The following GRM3 variants were observed in gnomAD, a reference collection of about 807,000 sequenced individuals.
GRM3 encodes the protein glutamate metabotropic receptor 3.
A neutral mutation model predicts 70.5 loss-of-function variants in GRM3; 26 were observed. The ratio of observed to expected loss-of-function variants is 0.37; its 90% confidence interval spans 0.27 to 0.51. The LOEUF (loss-of-function observed/expected upper bound fraction) is 0.51, where lower values mean the gene tolerates loss of function less well. Ranked by LOEUF, GRM3 falls within the 20% of genes least tolerant of loss-of-function variation. The probability of loss-of-function intolerance (pLI) is 0.93; values close to 1 mark genes in which losing one functional copy is unlikely to be tolerated. For synonymous variants in GRM3, 443 were observed against 434.9 expected (o/e 1.02, Z -0.23); for missense variants, 859 against 1,123.8 (o/e 0.76, Z 3.37).
At chr7:86,651,576 CT>C (rs1251197436) in intron 1 of GRM3, among the ~76,000 whole-genome samples, 1 of 152,112 alleles carries the variant, frequency 6.6e-6, no homozygotes, top group Non-Finnish European at 1.5e-5. Context: ...TTTGGAACAT[CT>C]TGTTTTTCCT....
At chr7:86,673,828 C>T (rs1347198992) in intron 1 of GRM3, among the ~76,000 whole-genome samples, 1 of 152,102 alleles carries the variant, frequency 6.6e-6, no homozygotes, top group Non-Finnish European at 1.5e-5. Context: ...TCAACATTGA[C>T]TCCTTCTTCT....
rs1050095817 is a variant in GRM3 at position 86,829,504 on chromosome 7, G to T, written c.1325-9335G>T. 5.9e-5 allele frequency among the ~76,000 whole-genome samples: 9 copies of T among 152,084 alleles called. No homozygotes were observed. The East Asian group carries it at 1.7e-3, about 29-fold the overall frequency. On this transcript the variant is annotated intron_variant, in intron 3 of 5. Transcript: ENST00000361669. ...CTAAGCTTAATCGTCTCTAGCTTTT[G>T]ACTTTAAGTGATTCTTTCTTTCACT...
chr7:86,849,338 C>A (rs1327230900), intron 4 of GRM3, among the ~76,000 whole-genome samples: 1 of 152,082 alleles, frequency 6.6e-6, no homozygotes, highest in Non-Finnish European at 1.5e-5. Flanking sequence ...TTAAGAGAGA[C>A]AAGAACTTTA....
intron 1 of GRM3, among the ~76,000 whole-genome samples, chr7:86,692,297 A>G (rs1794713687): frequency 6.6e-6 from 1 of 152,224 alleles, no homozygotes; most frequent in Non-Finnish European, 1.5e-5. Context: ...CAAATTTTCT[A>G]TCATAGACTA....
In GRM3 at chr7:86,801,819, C is replaced by A. The variant is rs554231073; in HGVS notation, c.1324+14703C>A. On this transcript the variant is annotated intron_variant, in intron 3 of 5. Coordinates refer to ENST00000361669, the MANE Select transcript of GRM3 (RefSeq NM_000840.3). ...AATTTTTAGAATACAATCAAGATTT[C>A]ATTAACAAATTCAGAATTCCTTGGG... Among the ~76,000 whole-genome samples the A allele has an allele frequency of 7.2e-5, 11 of 152,238 alleles. No homozygotes were observed. In the East Asian group the frequency reaches 2.1e-3, roughly 29 times the overall value.
rs1797785066 is a variant in GRM3 at position 86,806,068 on chromosome 7, G to C, written c.1324+18952G>C. Among the ~76,000 whole-genome samples the C allele has an allele frequency of 3.3e-5, 5 of 152,126 alleles. 1 individual carries two copies. The South Asian group carries it at 1.0e-3, about 32-fold the overall frequency. ...CCAGCTTCATCCATGTCCCTGCAAAGGACATGAACTCATCCTTTTTTATGG... is the reference window on the plus strand; with the variant it reads ...CCAGCTTCATCCATGTCCCTGCAAACGACATGAACTCATCCTTTTTTATGG... On this transcript the variant is annotated intron_variant, in intron 3 of 5. Transcript: ENST00000361669.
In GRM3 at chr7:86,854,125, C is replaced by A. The variant is rs565489609; in HGVS notation, c.2566+3581C>A. ...ATTATTATAATTATGCCACACTTTC[C>A]AAATCGCCAATTAATCCATTACTGC... On this transcript the variant is annotated intron_variant, in intron 5 of 5. Transcript: ENST00000361669. Among the ~76,000 whole-genome samples the A allele has an allele frequency of 3.7e-4, 57 of 152,240 alleles. No homozygotes were observed. In the South Asian group the frequency reaches 5.6e-3, roughly 15 times the overall value.
At chr7:86,730,179 A>T (rs1795695509) in intron 1 of GRM3, among the ~76,000 whole-genome samples, 1 of 151,856 alleles carries the variant, frequency 6.6e-6, no homozygotes, top group African/African-American at 2.4e-5. Flanking sequence ...CCAGCACATT[A>T]GGAGGCCGAG....
intron 1 of GRM3, among the ~76,000 whole-genome samples, chr7:86,682,140 T>C (rs1211489813): frequency 1.3e-5 from 2 of 152,206 alleles, no homozygotes; most frequent in African/African-American, 4.8e-5. Flanking sequence ...TCGGATTAAA[T>C]AGACAGATGA....
intron 1 of GRM3, among the ~76,000 whole-genome samples, chr7:86,664,749 T>G (rs1793981961): frequency 6.6e-6 from 1 of 151,864 alleles, no homozygotes; most frequent in Non-Finnish European, 1.5e-5. Context: ...TAGAGGGTGA[T>G]TCACCAACAC....
At chr7:86,702,082 T>C (rs1310728325) in intron 1 of GRM3, among the ~76,000 whole-genome samples, 1 of 152,002 alleles carries the variant, frequency 6.6e-6, no homozygotes, top group East Asian at 1.9e-4. Flanking sequence ...GTTGTACACA[T>C]GTACCCTAAA....
At chr7:86,799,534 GT>G (rs911123199) in intron 3 of GRM3, among the ~76,000 whole-genome samples, 63 of 146,910 alleles carry the variant, frequency 4.3e-4, no homozygotes, top group Admixed American at 1.6e-3. Context: ...TCAATACCTA[GT>G]TTTTTTTTTT....
intron 2 of GRM3, among the ~76,000 whole-genome samples, chr7:86,785,488 C>T (rs1003246102): frequency 6.8e-6 from 1 of 146,800 alleles, no homozygotes; most frequent in African/African-American, 2.6e-5. Flanking sequence ...CTGTTCTTGA[C>T]AAGGTCCTCA....
At chr7:86,836,014 A>G (rs1373077117) in intron 3 of GRM3, among the ~76,000 whole-genome samples, 1 of 152,254 alleles carries the variant, frequency 6.6e-6, no homozygotes, top group African/African-American at 2.4e-5. Flanking sequence ...TTTTAAAAAT[A>G]TTAAGATACA....
intron 1 of GRM3, among the ~76,000 whole-genome samples, chr7:86,648,006 T>C (rs769885244): frequency 6.6e-6 from 1 of 152,222 alleles, no homozygotes; most frequent in Non-Finnish European, 1.5e-5. Flanking sequence ...TTAATTCCTA[T>C]TATAAACCTT....
At chr7:86,755,334 A>G (rs1469122711) in intron 1 of GRM3, among the ~76,000 whole-genome samples, 2 of 152,194 alleles carry the variant, frequency 1.3e-5, no homozygotes, top group East Asian at 3.8e-4. Flanking sequence ...CAATTCAGGT[A>G]TGACATTCAA....
intron 2 of GRM3, among the ~76,000 whole-genome samples, chr7:86,780,892 A>T (rs1797036700): frequency 1.3e-5 from 2 of 152,228 alleles, no homozygotes; most frequent in African/African-American, 4.8e-5. Flanking sequence ...TTATGGCTTC[A>T]GAACAAAAAA....
At chr7:86,734,916 T>C (rs73400404) in intron 1 of GRM3, among the ~76,000 whole-genome samples, 2,535 of 152,280 alleles carry the variant, frequency 0.017, 74 homozygotes, top group African/African-American at 0.057. Context: ...TGATAGAAAA[T>C]ATGTAAATAT....
At chr7:86,773,133 C>T (rs1316828635) in intron 2 of GRM3, among the ~76,000 whole-genome samples, 1 of 151,980 alleles carries the variant, frequency 6.6e-6, no homozygotes, top group Middle Eastern at 3.2e-3. Flanking sequence ...GGTAGCTTTT[C>T]AGCCCTTGAA....
Sources: allele counts gnomAD v4.1 joint callset (sites outside exome capture counted in the v4.1 genomes callset), GRCh38; gene constraint gnomAD v4.1.1; transcripts MANE v1.5; gene names NCBI Gene and HGNC (gene_info 2026-07-23, HGNC 2026-07-21).